Variants in BRAF observed in about 807,000 individuals in gnomAD.
The protein encoded by BRAF is serine/threonine-protein kinase B-raf.
A neutral mutation model predicts 104.6 loss-of-function variants in BRAF; 16 were observed. The ratio of observed to expected loss-of-function variants is 0.15; its 90% CI spans 0.10 to 0.23. BRAF has a LOEUF of 0.23. Among genes scored for constraint, BRAF ranks in the 10% least tolerant of loss-of-function variants. The probability of loss-of-function intolerance (pLI) is 1.00; values close to 1 mark genes in which losing one functional copy is unlikely to be tolerated. For missense variants in BRAF, 541 were observed against 937.3 expected (o/e 0.58, Z 5.52); for synonymous variants, 310 against 341.6 (o/e 0.91, Z 1.02).
At chr7:140,845,476 T>C (rs1446873962) in intron 2 of BRAF, among the ~76,000 whole-genome samples, 2 of 152,156 alleles carry the variant, frequency 1.3e-5, no homozygotes, top group East Asian at 3.8e-4. Flanking sequence ...TATAAAGAAC[T>C]ACGCTCAATA....
chr7:140,748,404 A>G (rs941554083), intron 17 of BRAF, among the ~76,000 whole-genome samples: 9 of 152,288 alleles, frequency 5.9e-5, no homozygotes, highest in African/African-American at 2.2e-4. Flanking sequence ...ACAGAAAAAA[A>G]TGCAGGTGAT....
rs552456345 is a variant in BRAF, at chr7:140,834,756, G to A, written c.357C>T (p.Thr119=). 2.7e-5 allele frequency: 43 copies of A among 1,614,010 alleles called. No individual in the cohort carries two copies. The highest frequency in any genetic ancestry group is 1.3e-4 in the South Asian group (12 of 91,086). ...FSVSSSASMD[T]VTSSSSSSLS... ...GGCTAGAAGAGGAAGAAGATGTAAC[G>A]GTATCCATTGATGCAGAGCTAGAAA... The change falls in exon 3 of 20, where the codon ACC becomes ACT. Residue 119 remains threonine, a synonymous_variant. Coordinates refer to ENST00000644969, the MANE Select transcript of BRAF (RefSeq NM_001374258.1).
At chr7:140,765,994 T>C (rs1799278304) in intron 14 of BRAF, among the ~76,000 whole-genome samples, 1 of 149,172 alleles carries the variant, frequency 6.7e-6, no homozygotes, top group Non-Finnish European at 1.5e-5. Flanking sequence ...TAAAGACACA[T>C]GCACACGTAT....
chr7:140,916,057 G>A (rs556573005), intron 1 of BRAF, among the ~76,000 whole-genome samples: 2 of 152,030 alleles, frequency 1.3e-5, no homozygotes, highest in Non-Finnish European at 2.9e-5. Flanking sequence ...AAACTGGAAC[G>A]ATACTCCTTG....
At chr7:140,828,328 G>C (rs974876851) in intron 3 of BRAF, among the ~76,000 whole-genome samples, 4 of 152,162 alleles carry the variant, frequency 2.6e-5, no homozygotes, top group Non-Finnish European at 4.4e-5. Flanking sequence ...TAGATTTGTT[G>C]AGGGTTATAG....
chr7:140,907,917 G>A (rs1250300896), intron 1 of BRAF, among the ~76,000 whole-genome samples: 1 of 151,946 alleles, frequency 6.6e-6, no homozygotes, highest in East Asian at 1.9e-4. Context: ...GCTAATCTTT[G>A]TATTTTTAGT....
chr7:140,913,514 C>T (rs1226369560), intron 1 of BRAF, among the ~76,000 whole-genome samples: 3 of 108,896 alleles, frequency 2.8e-5, no homozygotes, highest in South Asian at 3.1e-4. Flanking sequence ...GACAGAGTCT[C>T]GCTCTGTAGC....
intron 3 of BRAF, among the ~76,000 whole-genome samples, chr7:140,811,789 G>A (rs559004361): frequency 8.4e-4 from 128 of 152,194 alleles, no homozygotes; most frequent in African/African-American, 3.0e-3. Flanking sequence ...GGGGTTTTTT[G>A]GCTCATTTAA....
chr7:140,765,166 T>G (rs1799182365), intron 14 of BRAF, among the ~76,000 whole-genome samples: 1 of 152,124 alleles, frequency 6.6e-6, no homozygotes, highest in South Asian at 2.1e-4. Context: ...CTATCTGATC[T>G]TTGACAAACC....
intron 1 of BRAF, among the ~76,000 whole-genome samples, chr7:140,850,758 A>T (rs1391586227): frequency 6.6e-6 from 1 of 152,188 alleles, no homozygotes; most frequent in African/African-American, 2.4e-5. Flanking sequence ...AACAGTCTCT[A>T]AACTTCAGTG....
chr7:140,870,345 C>T (rs10261732), intron 1 of BRAF, among the ~76,000 whole-genome samples: 45,416 of 151,936 alleles, frequency 0.3, 10,813 homozygotes, highest in African/African-American at 0.66. Context: ...GATAAGACTT[C>T]TAAAAGAGAA....
At chr7:140,822,452 C>A (rs1384451451) in intron 3 of BRAF, 1 of 152,202 alleles carries the variant, frequency 6.6e-6, no homozygotes, top group East Asian at 1.9e-4. Context: ...CTGCCATAGT[C>A]CTGTGCCCAG....
intron 11 of BRAF, 81 bp downstream of exon 10, chr7:140,782,940 T>C: frequency 6.7e-7 from 1 of 1,499,210 alleles, no homozygotes; most frequent in East Asian, 2.3e-5. Context: ...GGACATAATA[T>C]ATCTAAAGGA....
chr7:140,772,575 C>T (rs544839149), intron 14 of BRAF, among the ~76,000 whole-genome samples: 112 of 151,932 alleles, frequency 7.4e-4, no homozygotes, highest in African/African-American at 2.5e-3. Context: ...GAGAGAGTGT[C>T]GCTGCGCTCC....
downstream of BRAF, among the ~76,000 whole-genome samples, chr7:140,715,122 G>A (rs1374794340): frequency 6.6e-6 from 1 of 152,174 alleles, no homozygotes; most frequent in Non-Finnish European, 1.5e-5. Context: ...GCTTTAAGCT[G>A]GGGTATGGTA....
At position 140,722,415 on chromosome 7, in the gene BRAF, TA is replaced by T; in HGVS notation, c.*4078del. ...ATTTCTGCTAAAATGTTAGCTTTTT[TA>T]TTGCATCATGAAGGCACAGTAAGAT... On this transcript the variant is annotated 3_prime_UTR_variant, in exon 20 of 20. Coordinates refer to ENST00000644969, the MANE Select transcript of BRAF (RefSeq NM_001374258.1). 1 of 1,054,534 alleles carries T rather than the reference TA, an allele frequency of 9.5e-7. No homozygotes were observed. The highest frequency in any genetic ancestry group is 1.1e-6 in the Non-Finnish European group (1 of 872,590). The allele number at this position is 1,054,534 out of a possible 1,614,324, so 65.3% of individuals were successfully genotyped here.
intron 8 of BRAF, among the ~76,000 whole-genome samples, chr7:140,791,924 C>T (rs147272746): frequency 6.6e-6 from 1 of 152,260 alleles, no homozygotes; most frequent in African/African-American, 2.4e-5. Flanking sequence ...AATTTATCAG[C>T]AGTGTAATCT....
chr7:140,812,159 C>CGTGTGTGTGT (rs1273646316), intron 3 of BRAF, among the ~76,000 whole-genome samples: 2 of 124,764 alleles, frequency 1.6e-5, no homozygotes, highest in African/African-American at 6.9e-5. Flanking sequence ...TGCATGCACA[C>CGTGTGTGTGT]CTGTGTGTGT....
chr7:140,783,431 A>T lies in BRAF; in HGVS notation c.1298-274T>A, dbSNP rs7810726. On this transcript the variant is annotated intron_variant, in intron 10 of 19. Coordinates refer to ENST00000644969, the MANE Select transcript of BRAF (RefSeq NM_001374258.1). Reference sequence around the variant, plus strand: ...TACTGGTGCAAAATCTAGGAGAAAAACAATCTCTCTAAAACAAGACAGAAA... The same window carrying T: ...TACTGGTGCAAAATCTAGGAGAAAATCAATCTCTCTAAAACAAGACAGAAA... 17,272 of 333,074 alleles carry T rather than the reference A, an allele frequency of 0.052. 2,473 individuals carry two copies. The highest frequency in any genetic ancestry group is 0.32 in the African/African-American group (15,123 of 47,410). The allele number at this position is 333,074 out of a possible 1,614,324, so 20.6% of individuals were successfully genotyped here.
Sources: gnomAD v4.1 joint callset for allele counts (sites outside exome capture counted in the v4.1 genomes callset) on GRCh38, gnomAD v4.1.1 for gene constraint, MANE v1.5 for transcripts, NCBI Gene and HGNC (gene_info 2026-07-23, HGNC 2026-07-21) for gene names.